EPB41L3: variants seen among roughly 807,000 people sequenced by gnomAD.
The protein encoded by EPB41L3 is band 4.1-like protein 3.
EPB41L3 carries 57 observed loss-of-function variants against 127.1 expected under a neutral mutation model. That is an observed-to-expected ratio of 0.45 (90% CI 0.36 to 0.56). The LOEUF (loss-of-function observed/expected upper bound fraction) is 0.56. Ranked by LOEUF, EPB41L3 falls within the 20% of genes least tolerant of loss-of-function variation. The probability of loss-of-function intolerance (pLI) is 0.00; values close to 1 mark genes in which losing one functional copy is unlikely to be tolerated. For missense variants in EPB41L3, 1,273 were observed against 1,372.2 expected, an observed-to-expected ratio of 0.93 and a Z score of 1.14; for synonymous variants, 572 against 549.5, an observed-to-expected ratio of 1.04 and a Z score of -0.57.
intron 1 of EPB41L3, among the ~76,000 whole-genome samples, chr18:5,506,672 C>T (rs1464871614): frequency 6.6e-6 from 1 of 152,106 alleles, no homozygotes; most frequent in Non-Finnish European, 1.5e-5. Flanking sequence ...TTATCATATC[C>T]CCTCTGTTGT....
Position 5,586,403 on chromosome 18 carries a change from G to C in EPB41L3, c.-306+25937C>G, listed in dbSNP as rs1015879622. On this transcript the variant is annotated intron_variant, in intron 3 of 21. Transcript: ENST00000545076. ...TACTGTGATTTTCTTTTTCTTTTTT[G>C]TTTTTTTTTTTTTTGAAATAGGGTC... is the stretch of plus-strand genomic sequence containing the variant. Among the ~76,000 whole-genome samples the C allele has an allele frequency of 5.9e-5, 8 of 135,578 alleles. No individual in the cohort carries two copies. The East Asian group carries it at 1.7e-3, about 29-fold the overall frequency. 88.9% of individuals were successfully genotyped at this position (135,578 alleles called of 152,430 possible). A position where few individuals can be genotyped will look rare whatever the true frequency, so the allele number is the denominator to read the frequency against.
At chr18:5,615,541 T>C (rs1207126170) in intron 1 of EPB41L3, among the ~76,000 whole-genome samples, 2 of 152,142 alleles carry the variant, frequency 1.3e-5, no homozygotes, top group Non-Finnish European at 2.9e-5. Flanking sequence ...AAAAATAACA[T>C]CACCGTACAT....
Position 5,422,936 on chromosome 18 carries a change from T to G in EPB41L3, c.1339+442A>C, listed in dbSNP as rs1164657819. Among the ~76,000 whole-genome samples the G allele has an allele frequency of 2.0e-5, 3 of 152,272 alleles. No individual in the cohort carries two copies. In the East Asian group the frequency reaches 5.8e-4, roughly 29 times the overall value. ...CTACCAGCTATTATCAACTGACTGA[T>G]AAAGGTCACACTTTATTCATAAAGA... On this transcript the variant is annotated intron_variant, in intron 11 of 22. Transcript: ENST00000341928.
chr18:5,429,375 C>G (rs535669239), intron 8 of EPB41L3: 1 of 152,270 alleles, frequency 6.6e-6, no homozygotes, highest in African/African-American at 2.4e-5. Flanking sequence ...CACATACAGT[C>G]TTTCCCCATG....
In EPB41L3 at chr18:5,455,294, G is replaced by GA. The variant is rs144449478; in HGVS notation, c.382-10051dup. On this transcript the variant is annotated intron_variant, in intron 3 of 22. Transcript: ENST00000341928. ...AAACAAATCATACCATTACTCTTAC[G>GA]AAAAAAAAAAATCCCTTCTCTTTAC... Among the ~76,000 whole-genome samples, 284 of 146,112 alleles carry GA rather than the reference G, an allele frequency of 1.9e-3. 1 individual carries two copies. Among genetic ancestry groups the GA allele is most frequent in the African/African-American group, 4.6e-3 (186 of 40,030 alleles).
chr18:5,510,785 T>C (rs1487706527), intron 1 of EPB41L3, among the ~76,000 whole-genome samples: 1 of 152,198 alleles, frequency 6.6e-6, no homozygotes, highest in Non-Finnish European at 1.5e-5. Context: ...ATATATTCAA[T>C]GAATAATCTA....
At chr18:5,418,929 T>C (rs943358773) in intron 12 of EPB41L3, among the ~76,000 whole-genome samples, 3 of 152,192 alleles carry the variant, frequency 2.0e-5, no homozygotes, top group Admixed American at 2.0e-4. Flanking sequence ...CTATTTCCTC[T>C]TACTCTATGC....
Position 5,603,331 on chromosome 18 carries a change from G to A in EPB41L3, c.-306+9009C>T, listed in dbSNP as rs954535370. On this transcript the variant is annotated intron_variant, in intron 3 of 21. Transcript: ENST00000545076. ...GGCCCGCCTCCAACCCAAATCATGG[G>A]AGGTTCTTAGAGGACAATGTCAGAA... 2.0e-5 allele frequency among the ~76,000 whole-genome samples: 3 copies of A among 152,172 alleles called. No homozygotes were observed. In the East Asian group the frequency reaches 5.8e-4, roughly 29 times the overall value.
intron 1 of EPB41L3, among the ~76,000 whole-genome samples, chr18:5,511,280 A>C (rs1055854859): frequency 6.6e-6 from 1 of 151,452 alleles, no homozygotes; most frequent in Non-Finnish European, 1.5e-5. Flanking sequence ...AAAGTGAATT[A>C]ATTTGATTTC....
At chr18:5,548,395 G>A (rs370297352), upstream of EPB41L3, among the ~76,000 whole-genome samples, 13 of 152,124 alleles carry the variant, frequency 8.5e-5, no homozygotes, top group East Asian at 2.1e-3. Flanking sequence ...GATGCAAAAC[G>A]AAATAAAGTA....
At chr18:5,535,002 A>G (rs999136430) in intron 1 of EPB41L3, among the ~76,000 whole-genome samples, 1 of 152,126 alleles carries the variant, frequency 6.6e-6, no homozygotes, top group Admixed American at 6.6e-5. Context: ...AGTGGTGGTG[A>G]GCGGTGGGTG....
intron 1 of EPB41L3, among the ~76,000 whole-genome samples, chr18:5,500,390 AAC>A (rs1426406024): frequency 2.0e-5 from 3 of 152,226 alleles, no homozygotes; most frequent in African/African-American, 7.2e-5. Flanking sequence ...AATAAATTAA[AAC>A]AGAGTCAGAC....
In EPB41L3 at chr18:5,473,050, C is replaced by T. The variant is rs995776429; in HGVS notation, c.381+5191G>A. ...GTCCTCAGTTACTGAGCCCATTCCA[C>T]TACAGGCCACTAGACAAGCTCTAAG... On this transcript the variant is annotated intron_variant, in intron 3 of 22. Coordinates refer to ENST00000341928, the MANE Select transcript of EPB41L3 (RefSeq NM_012307.5). 2.0e-5 allele frequency among the ~76,000 whole-genome samples: 3 copies of T among 152,100 alleles called. No homozygotes were observed. In the East Asian group the frequency reaches 5.8e-4, roughly 29 times the overall value.
upstream of EPB41L3, among the ~76,000 whole-genome samples, chr18:5,546,856 C>A (rs1321122996): frequency 6.6e-6 from 1 of 152,252 alleles, no homozygotes; most frequent in African/African-American, 2.4e-5. Context: ...TCTCTGTCTC[C>A]CCACAGTGCC....
chr18:5,402,275 T>C (rs1269586667), intron 16 of EPB41L3, among the ~76,000 whole-genome samples: 1 of 151,204 alleles, frequency 6.6e-6, no homozygotes, highest in African/African-American at 2.4e-5. Context: ...GTGGATTTTG[T>C]TTCTTTTCCT....
rs1353009771 is a variant in EPB41L3 at position 5,467,935 on chromosome 18, A to T, written c.381+10306T>A. 2.0e-5 allele frequency among the ~76,000 whole-genome samples: 3 copies of T among 152,284 alleles called. 1 individual carries two copies. The South Asian group carries it at 6.2e-4, about 32-fold the overall frequency. ...CCCAGCTGCAGCTGTGGATTTGGGC[A>T]TCCCTGCACTCTCAGGGGTACAGGA... On this transcript the variant is annotated intron_variant, in intron 3 of 22. Coordinates refer to ENST00000341928, the MANE Select transcript of EPB41L3 (RefSeq NM_012307.5).
chr18:5,530,202 A>G (rs8094366), intron 1 of EPB41L3, among the ~76,000 whole-genome samples: 3,093 of 152,232 alleles, frequency 0.02, 111 homozygotes, highest in African/African-American at 0.07. Context: ...GTATAGATTG[A>G]TATATTGTGA....
At chr18:5,405,647 C>G (rs1477458640) in intron 16 of EPB41L3, among the ~76,000 whole-genome samples, 1 of 152,094 alleles carries the variant, frequency 6.6e-6, no homozygotes, top group African/African-American at 2.4e-5. Context: ...AAAAAATTAG[C>G]CAAGTGTGGT....
At chr18:5,444,869 A>C (rs1198766182) in intron 4 of EPB41L3, among the ~76,000 whole-genome samples, 2 of 152,204 alleles carry the variant, frequency 1.3e-5, no homozygotes, top group African/African-American at 4.8e-5. Context: ...AAAAGGAACC[A>C]CATAAAATGC....
Sources: gnomAD v4.1 joint callset for allele counts (sites outside exome capture counted in the v4.1 genomes callset) on GRCh38, gnomAD v4.1.1 for gene constraint, MANE v1.5 for transcripts, NCBI Gene and HGNC (gene_info 2026-07-23, HGNC 2026-07-21) for gene names.